Variants in EPHA6 observed in about 807,000 individuals in gnomAD.
EPHA6 encodes EPH receptor A6.
EPHA6 carries 50 observed loss-of-function variants against 112.0 expected under a neutral mutation model. The observed-to-expected ratio is 0.45, with a 90% CI of 0.36 to 0.56. EPHA6 has a LOEUF of 0.56. Among genes scored for constraint, EPHA6 ranks in the 20% least tolerant of loss-of-function variants. The pLI is 0.00. For missense variants in EPHA6, 1,280 were observed against 1,417.4 expected (o/e 0.90, Z 1.56); for synonymous variants, 529 against 490.7 (o/e 1.08, Z -1.03).
intron 5 of EPHA6, among the ~76,000 whole-genome samples, chr3:97,369,620 T>G (rs1437633418): frequency 6.6e-6 from 1 of 152,164 alleles, no homozygotes; most frequent in Admixed American, 6.6e-5. Flanking sequence ...GCTCTCATCT[T>G]GTTTTCCATT....
At chr3:97,203,225 G>A (rs1161526719) in intron 3 of EPHA6, among the ~76,000 whole-genome samples, 2 of 152,128 alleles carry the variant, frequency 1.3e-5, no homozygotes, top group African/African-American at 2.4e-5. Context: ...ATGTTGTAAG[G>A]TGGTAGAGGC....
Position 96,907,572 on chromosome 3 carries a change from T to C in EPHA6, c.450+40683T>C, listed in dbSNP as rs75890698. On this transcript the variant is annotated intron_variant, in intron 2 of 17. Coordinates refer to ENST00000389672, the MANE Select transcript of EPHA6 (RefSeq NM_001080448.3). ...CTTTTGTATGCATCTTATGTTTGCA[T>C]TGGTACTTTTAATTTCAAATATTTT... 7.9e-3 allele frequency among the ~76,000 whole-genome samples: 1,207 copies of C among 151,946 alleles called. 60 individuals are homozygous for C. The East Asian group carries it at 0.13, about 17-fold the overall frequency.
At chr3:97,492,762 G>A (rs1191792889) in intron 10 of EPHA6, among the ~76,000 whole-genome samples, 5 of 151,612 alleles carry the variant, frequency 3.3e-5, no homozygotes, top group Admixed American at 1.3e-4. Flanking sequence ...AGATCAGATC[G>A]CATTAGAAAG....
chr3:97,180,879 G>T (rs1351134296), intron 3 of EPHA6, among the ~76,000 whole-genome samples: 1 of 151,948 alleles, frequency 6.6e-6, no homozygotes, highest in African/African-American at 2.4e-5. Context: ...CAGTATATTA[G>T]GAGCCCCGCC....
intron 12 of EPHA6, among the ~76,000 whole-genome samples, chr3:97,607,236 G>A (rs1373245566): frequency 6.8e-6 from 1 of 147,398 alleles, no homozygotes; most frequent in Non-Finnish European, 1.5e-5. Context: ...ACTTTAACCA[G>A]GGTATCTATG....
chr3:97,277,233 G>C (rs1343310530), intron 5 of EPHA6, among the ~76,000 whole-genome samples: 3 of 152,092 alleles, frequency 2.0e-5, no homozygotes, highest in Non-Finnish European at 4.4e-5. Context: ...AAGAGAGTCA[G>C]CGAAGGGAGA....
intron 5 of EPHA6, among the ~76,000 whole-genome samples, chr3:97,399,130 A>G (rs1468225560): frequency 6.6e-6 from 1 of 151,472 alleles, no homozygotes; most frequent in African/African-American, 2.4e-5. Flanking sequence ...TCTAGTAACC[A>G]TTATTCTATG....
chr3:96,992,949 C>T (rs2043270763), intron 3 of EPHA6, among the ~76,000 whole-genome samples: 1 of 152,238 alleles, frequency 6.6e-6, no homozygotes, highest in Admixed American at 6.5e-5. Context: ...ATCTGTTTCA[C>T]TAGGGCTGTC....
intron 7 of EPHA6, among the ~76,000 whole-genome samples, chr3:97,475,002 G>A (rs537256812): frequency 1.3e-5 from 2 of 152,126 alleles, no homozygotes; most frequent in East Asian, 3.9e-4. Context: ...TGTTTAAGAG[G>A]AAATACAGTG....
At chr3:97,382,425 A>C (rs1218097669) in intron 5 of EPHA6, among the ~76,000 whole-genome samples, 1 of 152,070 alleles carries the variant, frequency 6.6e-6, no homozygotes, top group Non-Finnish European at 1.5e-5. Context: ...TGTGATAATT[A>C]ATAGAAAGGA....
intron 5 of EPHA6, among the ~76,000 whole-genome samples, chr3:97,332,008 A>G (rs1188613300): frequency 2.0e-5 from 3 of 152,302 alleles, no homozygotes; most frequent in African/African-American, 7.2e-5. Flanking sequence ...AAAATCCTCA[A>G]TAAAATACTG....
At chr3:97,661,283 G>A (rs59019076) in intron 14 of EPHA6, among the ~76,000 whole-genome samples, 112 of 150,392 alleles carry the variant, frequency 7.4e-4, no homozygotes, top group African/African-American at 2.4e-3. Flanking sequence ...ACTCCCTAAC[G>A]CTGGTCAGCT....
At chr3:97,300,293 T>A (rs910078402) in intron 5 of EPHA6, among the ~76,000 whole-genome samples, 4 of 152,172 alleles carry the variant, frequency 2.6e-5, no homozygotes, top group African/African-American at 9.7e-5. Flanking sequence ...TTTATCTGTC[T>A]CAATTAAAAG....
intron 2 of EPHA6, among the ~76,000 whole-genome samples, chr3:96,932,890 ACATATG>A (rs2040395887): frequency 6.6e-6 from 1 of 152,324 alleles, no homozygotes; most frequent in African/African-American, 2.4e-5. Flanking sequence ...TATCTGGTTA[ACATATG>A]CTTCTCTATG....
intron 3 of EPHA6, among the ~76,000 whole-genome samples, chr3:97,197,986 C>T (rs972591837): frequency 1.4e-4 from 22 of 152,092 alleles, no homozygotes; most frequent in African/African-American, 5.1e-4. Context: ...CCTACAATCA[C>T]CGTGCTCTCC....
chr3:96,996,480 C>T (rs2226990), intron 3 of EPHA6, among the ~76,000 whole-genome samples: 29,956 of 151,864 alleles, frequency 0.2, 5,557 homozygotes, highest in African/African-American at 0.49. Flanking sequence ...ATTTCTTAAG[C>T]CATAAGACTT....
At chr3:97,631,508 C>T (rs2093902395) in intron 13 of EPHA6, among the ~76,000 whole-genome samples, 2 of 152,098 alleles carry the variant, frequency 1.3e-5, no homozygotes, top group East Asian at 3.9e-4. Context: ...TTTTGAAAGG[C>T]TAGTGTCATT....
intron 7 of EPHA6, among the ~76,000 whole-genome samples, chr3:97,461,473 G>A (rs917485029): frequency 6.6e-6 from 1 of 152,066 alleles, no homozygotes; most frequent in East Asian, 1.9e-4. Flanking sequence ...TGCATGTAAA[G>A]TACTTAACAA....
At chr3:97,345,404 T>A (rs1559906348) in intron 5 of EPHA6, among the ~76,000 whole-genome samples, 4 of 152,158 alleles carry the variant, frequency 2.6e-5, no homozygotes, top group South Asian at 4.1e-4. Flanking sequence ...AATCTTTTAT[T>A]CCTGCCTTAT....
Sources: allele counts gnomAD v4.1 joint callset (sites outside exome capture counted in the v4.1 genomes callset), GRCh38; gene constraint gnomAD v4.1.1; transcripts MANE v1.5; gene names NCBI Gene and HGNC (gene_info 2026-07-23, HGNC 2026-07-21).